The following CDH18 variants were observed in gnomAD, a reference collection of about 807,000 sequenced individuals.
CDH18 encodes cadherin-18.
In CDH18, 31 loss-of-function variants were observed where a neutral mutation model predicts 67.9. The ratio of observed to expected loss-of-function variants is 0.46; its 90% CI spans 0.34 to 0.62. The LOEUF is 0.62. Ranked by LOEUF, CDH18 falls within the 20% of genes least tolerant of loss-of-function variation. The pLI is 0.01. For synonymous variants in CDH18, 362 were observed against 347.2 expected (o/e 1.04, Z -0.48); for missense variants, 890 against 975.5 (o/e 0.91, Z 1.17).
chr5:19,991,248 A>C (rs1799964287), upstream of CDH18, among the ~76,000 whole-genome samples: 1 of 152,208 alleles, frequency 6.6e-6, no homozygotes, highest in Admixed American at 6.5e-5. Context: ...TTTAGAGAGA[A>C]AACTCTTGTT....
intron 2 of CDH18, among the ~76,000 whole-genome samples, chr5:19,953,327 T>C (rs1425239337): frequency 6.6e-6 from 1 of 152,106 alleles, no homozygotes; most frequent in Non-Finnish European, 1.5e-5. Flanking sequence ...AGTTTAGTAC[T>C]TACATAGAGG....
chr5:19,473,312 C>A lies in CDH18; in HGVS notation c.2287G>T (p.Asp763Tyr). The change falls in exon 13 of 13, where the codon GAT (aspartate) becomes TAT (tyrosine). Residue 763 changes from aspartate (D) to tyrosine (Y), a missense_variant. Asp to Tyr is a radical substitution (Grantham distance 160). This residue lies in a region of CDH18 where 656 missense variants were observed against 668.1 expected (regional missense o/e 0.98). Coordinates refer to ENST00000382275, the MANE Select transcript of CDH18 (RefSeq NM_004934.5). The stretch of plus-strand genomic sequence containing the variant: ...CCCCAGTCTCCAAGGTAGTGATAAT[C>A]CTGGTCTGATTGTGTCGTTGCTGAA... ...LDSATTQSDQ[D>Y]YHYLGDWGPE... is the part of the protein sequence containing the mutation. 6.2e-7 allele frequency: 1 copy of A among 1,613,820 alleles called. No homozygotes were observed.
chr5:19,548,073 C>T (rs1011970908), intron 8 of CDH18, among the ~76,000 whole-genome samples: 1 of 152,060 alleles, frequency 6.6e-6, no homozygotes, highest in Non-Finnish European at 1.5e-5. Flanking sequence ...AGGCTATTCT[C>T]AGTAAATTAC....
chr5:19,755,492 C>CAT (rs1482806061), intron 3 of CDH18, among the ~76,000 whole-genome samples: 6 of 109,502 alleles, frequency 5.5e-5, no homozygotes, highest in East Asian at 2.4e-4. Flanking sequence ...GATATATACA[C>CAT]ATATATATAC....
intron 6 of CDH18, among the ~76,000 whole-genome samples, chr5:19,595,031 A>G (rs1056300427): frequency 5.9e-5 from 9 of 152,208 alleles, no homozygotes; most frequent in African/African-American, 1.9e-4. Context: ...TATTACATAT[A>G]TAAAAAAACA....
At chr5:19,885,715 T>A (rs1214404139) in intron 2 of CDH18, among the ~76,000 whole-genome samples, 1 of 152,132 alleles carries the variant, frequency 6.6e-6, no homozygotes, top group Admixed American at 6.6e-5. Flanking sequence ...GCATGCACCA[T>A]GACACTCAGC....
chr5:20,548,763 G>C (rs920754972), intron 1 of CDH18, among the ~76,000 whole-genome samples: 5 of 152,146 alleles, frequency 3.3e-5, no homozygotes, highest in Non-Finnish European at 5.9e-5. Flanking sequence ...TTGTGATGTA[G>C]TCATTGTTCT....
chr5:20,153,895 T>C (rs1192318034), intron 2 of CDH18, among the ~76,000 whole-genome samples: 2 of 152,204 alleles, frequency 1.3e-5, no homozygotes, highest in African/African-American at 2.4e-5. Context: ...CAAACTGGAA[T>C]TGGTGGTAGG....
rs1340406924 is a variant in CDH18 at position 20,361,868 on chromosome 5, G to A, written c.-579-106363C>T. Among the ~76,000 whole-genome samples the A allele has an allele frequency of 4.6e-5, 7 of 152,046 alleles. No individual in the cohort carries two copies. The East Asian group carries it at 1.2e-3, about 25-fold the overall frequency. On this transcript the variant is annotated intron_variant, in intron 1 of 14. Transcript: ENST00000507958. ...AGAAAAATTTTAAATATGTTTCATA[G>A]TATATGCTCAATAAATATGACTAGA... is the stretch of plus-strand genomic sequence containing the variant.
intron 5 of CDH18, among the ~76,000 whole-genome samples, chr5:19,715,515 T>C (rs549842610): frequency 2.0e-5 from 3 of 152,262 alleles, no homozygotes; most frequent in Non-Finnish European, 2.9e-5. Flanking sequence ...ATTCCGAAGA[T>C]AAAAGGTTGG....
intron 2 of CDH18, among the ~76,000 whole-genome samples, chr5:20,233,094 A>C (rs17303820): frequency 0.35 from 53,016 of 151,290 alleles, 11,530 homozygotes; most frequent in Middle Eastern, 0.55. Flanking sequence ...TCCTCAAATT[A>C]TGCTTTCTTG....
At chr5:20,254,786 A>T (rs1744105590) in intron 2 of CDH18, among the ~76,000 whole-genome samples, 1 of 152,168 alleles carries the variant, frequency 6.6e-6, no homozygotes, top group African/African-American at 2.4e-5. Flanking sequence ...AGGAAAATAG[A>T]TCTTTATACC....
chr5:19,890,125 G>A (rs1054417131), intron 2 of CDH18, among the ~76,000 whole-genome samples: 2 of 152,048 alleles, frequency 1.3e-5, no homozygotes, highest in Admixed American at 6.6e-5. Flanking sequence ...AAATAGTCTT[G>A]GCAGATTCAT....
intron 5 of CDH18, among the ~76,000 whole-genome samples, chr5:19,685,518 T>C (rs1352186873): frequency 1.3e-5 from 2 of 152,190 alleles, no homozygotes; most frequent in African/African-American, 2.4e-5. Context: ...GGAGGTGCTG[T>C]CAGAAGACTG....
chr5:19,845,965 C>T (rs1467117041), intron 2 of CDH18, among the ~76,000 whole-genome samples: 1 of 151,810 alleles, frequency 6.6e-6, no homozygotes, highest in Non-Finnish European at 1.5e-5. Context: ...CATTCAGCCA[C>T]TATTTTTTGA....
At chr5:19,515,770 T>G (rs1472578309) in intron 10 of CDH18, among the ~76,000 whole-genome samples, 2 of 152,180 alleles carry the variant, frequency 1.3e-5, no homozygotes, top group Non-Finnish European at 2.9e-5. Context: ...TGGGGTTTTC[T>G]AAATATACAA....
Position 19,510,809 on chromosome 5 carries a change from C to G in CDH18, c.1513-7700G>C, listed in dbSNP as rs1160084509. ...TCCTGTTAGTGAGTTCTCAGGAGAT[C>G]TGATTTTTTTTTTTTTTCTGAGACC... is the stretch of plus-strand genomic sequence containing the variant. On this transcript the variant is annotated intron_variant, in intron 10 of 12. Coordinates refer to ENST00000382275, the MANE Select transcript of CDH18 (RefSeq NM_004934.5). 2.5e-5 allele frequency among the ~76,000 whole-genome samples: 3 copies of G among 122,036 alleles called. No homozygotes were observed. The East Asian group carries it at 6.6e-4, about 27-fold the overall frequency. The allele number at this position is 122,036 out of a possible 152,430, so 80.1% of individuals were successfully genotyped here.
chr5:19,571,468 G>A (rs1437051165), intron 8 of CDH18, 111 bp downstream of exon 8: 90 of 979,094 alleles, frequency 9.2e-5, no homozygotes, highest in East Asian at 3.4e-4. Context: ...AATTATATTC[G>A]TAGAAAACAA....
chr5:20,199,555 A>G (rs966014679), intron 2 of CDH18, among the ~76,000 whole-genome samples: 3 of 152,164 alleles, frequency 2.0e-5, no homozygotes, highest in South Asian at 4.2e-4. Context: ...TTTGCCTCAG[A>G]TGAGATTTTG....
Sources: gnomAD v4.1 joint callset for allele counts (sites outside exome capture counted in the v4.1 genomes callset) on GRCh38, gnomAD v4.1.1 for gene constraint, gnomAD v4.1.1 regional missense constraint, MANE v1.5 for transcripts, NCBI Gene and HGNC (gene_info 2026-07-23, HGNC 2026-07-21) for gene names.